HS3ST4: variants seen among roughly 807,000 people sequenced by gnomAD.
HS3ST4 encodes heparan sulfate glucosamine 3-O-sulfotransferase 4.
HS3ST4 carries 17 observed loss-of-function variants against 29.2 expected under a neutral mutation model. The observed-to-expected ratio is 0.58, with a 90% CI of 0.40 to 0.87. The LOEUF is 0.87. HS3ST4 is among the 40% of genes least tolerant of loss of function. HS3ST4 has a pLI of 0.00. For synonymous variants in HS3ST4, 314 were observed against 285.7 expected, an observed-to-expected ratio of 1.10 and a Z score of -1.00; for missense variants, 627 against 634.5, an observed-to-expected ratio of 0.99 and a Z score of 0.13.
rs1182688783 is a variant in HS3ST4 at position 25,699,814 on chromosome 16, C to T, written c.734+6663C>T. Reference sequence around the variant, plus strand: ...TTAATATAGCTAAGCCTCAATTTCTCCATCTGCAGAATGAGCTCAATATTA... The same window carrying T: ...TTAATATAGCTAAGCCTCAATTTCTTCATCTGCAGAATGAGCTCAATATTA... On this transcript the variant is annotated intron_variant, in intron 1 of 1. Transcript: ENST00000331351. Among the ~76,000 whole-genome samples, 3 of 152,294 alleles carry T rather than the reference C, an allele frequency of 2.0e-5. No individual in the cohort carries two copies. The South Asian group carries it at 6.2e-4, about 32-fold the overall frequency.
chr16:26,094,489 C>G (rs901937280), intron 1 of HS3ST4, among the ~76,000 whole-genome samples: 15 of 152,120 alleles, frequency 9.9e-5, no homozygotes, highest in Non-Finnish European at 2.1e-4. Context: ...AATTTTCAAC[C>G]CAGAATTTCA....
chr16:25,866,089 G>A (rs1967692098), intron 1 of HS3ST4, among the ~76,000 whole-genome samples: 1 of 152,160 alleles, frequency 6.6e-6, no homozygotes, highest in Admixed American at 6.5e-5. Context: ...CTATCCATTT[G>A]CAAAATATTC....
chr16:26,048,799 C>T lies in HS3ST4; in HGVS notation c.735-86813C>T, dbSNP rs116610328. On this transcript the variant is annotated intron_variant, in intron 1 of 1. Coordinates refer to ENST00000331351, the MANE Select transcript of HS3ST4 (RefSeq NM_006040.3). ...AGTGAGCTATGTTCACACCACTACACTCTAGCCTGGGTGACAGAGCGAGAC... is the reference window on the plus strand; with the variant it reads ...AGTGAGCTATGTTCACACCACTACATTCTAGCCTGGGTGACAGAGCGAGAC... Among the ~76,000 whole-genome samples the T allele has an allele frequency of 8.2e-3, 1,252 of 152,276 alleles. 21 individuals carry two copies. Among genetic ancestry groups the T allele is most frequent in the African/African-American group, 0.028 (1,176 of 41,534 alleles).
At chr16:26,041,316 G>C (rs1969634329) in intron 1 of HS3ST4, among the ~76,000 whole-genome samples, 1 of 151,688 alleles carries the variant, frequency 6.6e-6, no homozygotes, top group African/African-American at 2.4e-5. Context: ...CTCCAGCTTG[G>C]GCAACAGAGT....
chr16:25,778,589 T>C (rs142877432), intron 1 of HS3ST4, among the ~76,000 whole-genome samples: 32 of 152,370 alleles, frequency 2.1e-4, no homozygotes, highest in African/African-American at 7.7e-4. Context: ...TGATTAACTT[T>C]GAAATCAGTA....
At chr16:25,809,877 TA>T (rs1294370356) in intron 1 of HS3ST4, among the ~76,000 whole-genome samples, 1 of 152,154 alleles carries the variant, frequency 6.6e-6, no homozygotes, top group African/African-American at 2.4e-5. Flanking sequence ...GTCTTCTTTT[TA>T]TTTTGTAGGT....
At chr16:25,789,383 T>G (rs1426710316) in intron 1 of HS3ST4, among the ~76,000 whole-genome samples, 3 of 149,848 alleles carry the variant, frequency 2.0e-5, no homozygotes, top group African/African-American at 7.5e-5. Flanking sequence ...TTCTCTTTCT[T>G]TCTTTCTCTT....
chr16:25,828,276 CTT>C (rs1567249396), intron 1 of HS3ST4, among the ~76,000 whole-genome samples: 2 of 88,170 alleles, frequency 2.3e-5, no homozygotes, highest in Admixed American at 1.3e-4. Context: ...TTCTTTCTTT[CTT>C]TCTTTCTTTC....
Position 26,136,490 on chromosome 16 carries a change from A to T in HS3ST4, c.*242A>T, listed in dbSNP as rs1898285779. On this transcript the variant is annotated 3_prime_UTR_variant, in exon 2 of 2. Coordinates refer to ENST00000331351, the MANE Select transcript of HS3ST4 (RefSeq NM_006040.3). ...TCTGGTTGACCAGATGGCCACCAGA[A>T]CCCACTGTTCATTCTTATCTTCTGC... 1 of 555,254 alleles carries T rather than the reference A, an allele frequency of 1.8e-6. No homozygotes were observed. Among genetic ancestry groups the T allele is most frequent in the Non-Finnish European group, 3.2e-6 (1 of 313,010 alleles). 34.4% of individuals were successfully genotyped at this position (555,254 alleles called of 1,614,324 possible). A position where few individuals can be genotyped will look rare whatever the true frequency, so the allele number is the denominator to read the frequency against.
intron 1 of HS3ST4, among the ~76,000 whole-genome samples, chr16:25,926,671 A>C (rs890848897): frequency 1.3e-5 from 2 of 152,208 alleles, no homozygotes; most frequent in Admixed American, 1.3e-4. Flanking sequence ...TATGATTGGC[A>C]TTTATAGATG....
At chr16:25,779,209 A>T (rs1244149818) in intron 1 of HS3ST4, among the ~76,000 whole-genome samples, 1 of 152,214 alleles carries the variant, frequency 6.6e-6, no homozygotes, top group Non-Finnish European at 1.5e-5. Flanking sequence ...AGGATGGGAG[A>T]AAGGTGGGTC....
Position 26,046,190 on chromosome 16 carries a change from G to A in HS3ST4, c.735-89422G>A, listed in dbSNP as rs560273040. On this transcript the variant is annotated intron_variant, in intron 1 of 1. Transcript: ENST00000331351. ...TTTTGAGACAGAGTATCGCTCTATC[G>A]CCCAGGCTGGAGTGCAATGGCGTGA... Among the ~76,000 whole-genome samples the A allele has an allele frequency of 4.6e-5, 6 of 130,686 alleles. No individual in the cohort carries two copies. In the East Asian group the frequency reaches 8.9e-4, roughly 19 times the overall value. The allele number at this position is 130,686 out of a possible 152,430, so 85.7% of individuals were successfully genotyped here.
chr16:25,820,742 T>A (rs949338453), intron 1 of HS3ST4, among the ~76,000 whole-genome samples: 2 of 152,098 alleles, frequency 1.3e-5, no homozygotes, highest in African/African-American at 2.4e-5. Flanking sequence ...GCTAATTTTT[T>A]AAATTTTTTG....
At chr16:26,119,401 T>C (rs1486365055) in intron 1 of HS3ST4, among the ~76,000 whole-genome samples, 1 of 152,132 alleles carries the variant, frequency 6.6e-6, no homozygotes, top group Non-Finnish European at 1.5e-5. Context: ...GTTTTAGAAA[T>C]AGAGGCCACA....
chr16:25,968,417 G>C (rs1968864702), intron 1 of HS3ST4, among the ~76,000 whole-genome samples: 1 of 152,108 alleles, frequency 6.6e-6, no homozygotes, highest in Non-Finnish European at 1.5e-5. Context: ...TTGAGCCGTG[G>C]TCGCCCCTTA....
chr16:25,933,467 C>G (rs1193105443), intron 1 of HS3ST4: 3 of 483,210 alleles, frequency 6.2e-6, no homozygotes, highest in Non-Finnish European at 1.2e-5. Flanking sequence ...TCCACCATTT[C>G]TTAGAGTGGA....
At chr16:26,029,146 A>G (rs1171486509) in intron 1 of HS3ST4, 1 of 152,238 alleles carries the variant, frequency 6.6e-6, no homozygotes, top group Non-Finnish European at 1.5e-5. Flanking sequence ...TCTTTACCAC[A>G]GAGTTTTTGT....
At chr16:25,999,863 ATT>A (rs1567290788) in intron 1 of HS3ST4, among the ~76,000 whole-genome samples, 2 of 131,790 alleles carry the variant, frequency 1.5e-5, no homozygotes, top group African/African-American at 2.9e-5. Context: ...TTATATATAT[ATT>A]ATATATTTTA....
chr16:25,721,446 A>T (rs1966494862), intron 1 of HS3ST4, among the ~76,000 whole-genome samples: 1 of 148,348 alleles, frequency 6.7e-6, no homozygotes, highest in Non-Finnish European at 1.5e-5. Flanking sequence ...CCTGCATAAT[A>T]ATGAAATACC....
Sources: allele counts gnomAD v4.1 joint callset (sites outside exome capture counted in the v4.1 genomes callset), GRCh38; gene constraint gnomAD v4.1.1; transcripts MANE v1.5; gene names NCBI Gene and HGNC (gene_info 2026-07-23, HGNC 2026-07-21).